The following HEATR5B variants were observed in gnomAD, a reference collection of about 807,000 sequenced individuals.
HEATR5B encodes the protein HEAT repeat-containing protein 5B.
In HEATR5B, 156 loss-of-function variants were observed where a neutral mutation model predicts 224.1. The ratio of observed to expected loss-of-function variants is 0.70; its 90% CI spans 0.61 to 0.80. HEATR5B has a LOEUF of 0.80. Among genes scored for constraint, HEATR5B ranks in the 30% least tolerant of loss-of-function variants. The pLI is 0.00. For missense variants in HEATR5B, 2,323 were observed against 2,535.5 expected, an observed-to-expected ratio of 0.92 and a Z score of 1.80; for synonymous variants, 1,027 against 893.0, an observed-to-expected ratio of 1.15 and a Z score of -2.68.
intron 18 of HEATR5B, among the ~76,000 whole-genome samples, chr2:37,043,388 G>T (rs778352033): frequency 1.2e-4 from 18 of 152,214 alleles, no homozygotes; most frequent in Non-Finnish European, 2.4e-4. Context: ...ACATTTTGCT[G>T]CTTGACTTTC....
intron 5 of HEATR5B, 47 bp downstream of exon 5, chr2:37,075,438 G>A: frequency 2.0e-6 from 3 of 1,474,398 alleles, no homozygotes; most frequent in Non-Finnish European, 2.7e-6. Flanking sequence ...GACTGTTTAA[G>A]AGCAAGAAGG....
At chr2:37,001,735 C>T (rs1489280043) in intron 32 of HEATR5B, among the ~76,000 whole-genome samples, 1 of 151,670 alleles carries the variant, frequency 6.6e-6, no homozygotes, top group Non-Finnish European at 1.5e-5. Context: ...GTGATCTCGG[C>T]TCACTGCAGC....
intron 22 of HEATR5B, among the ~76,000 whole-genome samples, chr2:37,030,615 G>C (rs1669070287): frequency 6.6e-6 from 1 of 152,174 alleles, no homozygotes; most frequent in South Asian, 2.1e-4. Flanking sequence ...ATTTCTATCT[G>C]TAGTACAAGA....
chr2:36,998,878 T>C (rs904945712), intron 33 of HEATR5B, among the ~76,000 whole-genome samples: 1 of 152,012 alleles, frequency 6.6e-6, no homozygotes, highest in Admixed American at 6.6e-5. Context: ...CATACTCATA[T>C]AGAAAACATA....
chr2:37,025,808 C>T (rs900560119), intron 24 of HEATR5B, among the ~76,000 whole-genome samples: 2 of 152,152 alleles, frequency 1.3e-5, no homozygotes, highest in African/African-American at 4.8e-5. Flanking sequence ...AGTATGCACA[C>T]TTATGATTCC....
intron 26 of HEATR5B, among the ~76,000 whole-genome samples, chr2:37,016,511 G>C (rs1668128531): frequency 6.6e-6 from 1 of 152,136 alleles, no homozygotes; most frequent in African/African-American, 2.4e-5. Flanking sequence ...CCTCATTAAA[G>C]TATACACCTA....
chr2:37,002,854 A>C (rs1253331713), intron 31 of HEATR5B, among the ~76,000 whole-genome samples: 1 of 152,216 alleles, frequency 6.6e-6, no homozygotes, highest in East Asian at 1.9e-4. Flanking sequence ...AACCAGATGA[A>C]ATTGACAAAA....
chr2:37,058,486 T>C lies in HEATR5B; in HGVS notation c.2024A>G (p.Asp675Gly). The change falls in exon 14 of 36, where the codon GAT (aspartate) becomes GGT (glycine). Residue 675 changes from aspartate (D) to glycine (G), a missense_variant. Coordinates refer to ENST00000233099, the MANE Select transcript of HEATR5B (RefSeq NM_019024.3). Reference protein sequence around the residue: ...SAAMVRLRLYDILALLPPKTY... With the variant: ...SAAMVRLRLYGILALLPPKTY... ...TTTTGGAGGTAACAAAGCCAAGATATCATAAAGTCTTAAACGGACCATTGC... is the reference window on the plus strand; with the variant it reads ...TTTTGGAGGTAACAAAGCCAAGATACCATAAAGTCTTAAACGGACCATTGC... 1 of 1,612,734 alleles carries C rather than the reference T, an allele frequency of 6.2e-7. No homozygotes were observed. Among genetic ancestry groups the C allele is most frequent in the South Asian group, 1.1e-5 (1 of 91,032 alleles).
chr2:36,989,330 C>T lies in HEATR5B; in HGVS notation c.5698-471G>A, dbSNP rs547280041. Among the ~76,000 whole-genome samples the T allele has an allele frequency of 9.2e-5, 14 of 152,246 alleles. No homozygotes were observed. The East Asian group carries it at 2.7e-3, about 29-fold the overall frequency. ...CAATCTCCTGACCTTGTGATCTGCC[C>T]GCTTTGGCCTCCCAAAGTGCTGGGA... On this transcript the variant is annotated intron_variant, in intron 34 of 35. Coordinates refer to ENST00000233099, the MANE Select transcript of HEATR5B (RefSeq NM_019024.3).
chr2:36,987,560 C>G (rs2148325220), intron 35 of HEATR5B, among the ~76,000 whole-genome samples: 1 of 151,782 alleles, frequency 6.6e-6, no homozygotes, highest in East Asian at 1.9e-4. Context: ...GTGATAAAAT[C>G]AAAGCTTAAG....
intron 35 of HEATR5B, among the ~76,000 whole-genome samples, chr2:36,982,970 TGA>T (rs1170510664): frequency 6.6e-6 from 1 of 150,690 alleles, no homozygotes; most frequent in Non-Finnish European, 1.5e-5. Context: ...GTAAGCTCCA[TGA>T]GATCAGGGAC....
intron 21 of HEATR5B, among the ~76,000 whole-genome samples, chr2:37,037,160 T>TATATATATATATATATATATATATATATG (rs1669545334): frequency 1.6e-5 from 1 of 62,364 alleles, no homozygotes; most frequent in Non-Finnish European, 3.4e-5. Flanking sequence ...ATATATATAT[T>TATATATATATATATATATATATATATATG]TTGGAGATGG....
intron 24 of HEATR5B, among the ~76,000 whole-genome samples, chr2:37,021,545 C>A (rs72873862): frequency 2.0e-5 from 3 of 151,986 alleles, no homozygotes; most frequent in African/African-American, 7.3e-5. Context: ...GTGGCCAATG[C>A]GTAACTGACT....
chr2:37,015,081 T>C (rs141783468), intron 26 of HEATR5B, among the ~76,000 whole-genome samples: 1 of 152,254 alleles, frequency 6.6e-6, no homozygotes, highest in East Asian at 1.9e-4. Flanking sequence ...ATGACTGTAA[T>C]ATGGGACACT....
At chr2:37,038,907 T>TG (rs758997585) in intron 20 of HEATR5B, among the ~76,000 whole-genome samples, 718 of 66,158 alleles carry the variant, frequency 0.011, 25 homozygotes, top group African/African-American at 0.043. Flanking sequence ...CTCCCTGGGG[T>TG]GGGGGGGGTG....
intron 33 of HEATR5B, among the ~76,000 whole-genome samples, chr2:36,991,977 T>C (rs10198470): frequency 0.16 from 24,169 of 152,142 alleles, 2,127 homozygotes; most frequent in African/African-American, 0.18. Flanking sequence ...TGCCTGTAAT[T>C]CCAGCACTTT....
At chr2:37,027,088 G>C (rs1049120172) in intron 24 of HEATR5B, among the ~76,000 whole-genome samples, 3 of 152,202 alleles carry the variant, frequency 2.0e-5, no homozygotes, top group South Asian at 4.1e-4. Flanking sequence ...ACAGGCATGA[G>C]CCACCGCACC....
intron 24 of HEATR5B, among the ~76,000 whole-genome samples, chr2:37,024,623 TAATAA>T (rs2148450343): frequency 6.6e-6 from 1 of 152,264 alleles, no homozygotes; most frequent in South Asian, 2.1e-4. Flanking sequence ...GAATGAGGTA[TAATAA>T]ACTACTGCCA....
At chr2:37,018,682 T>G (rs1311830734) in intron 26 of HEATR5B, among the ~76,000 whole-genome samples, 1 of 152,156 alleles carries the variant, frequency 6.6e-6, no homozygotes, top group Non-Finnish European at 1.5e-5. Context: ...CCATGGATTC[T>G]AAGCAAAAAT....
Sources: gnomAD v4.1 joint callset for allele counts (sites outside exome capture counted in the v4.1 genomes callset) on GRCh38, gnomAD v4.1.1 for gene constraint, MANE v1.5 for transcripts, NCBI Gene and HGNC (gene_info 2026-07-23, HGNC 2026-07-21) for gene names.